SOX5: variants seen among roughly 807,000 people sequenced by gnomAD.
The protein encoded by SOX5 is SRY-box transcription factor 5.
In SOX5, 9 loss-of-function variants were observed where a neutral mutation model predicts 92.0. The observed-to-expected ratio is 0.10, with a 90% confidence interval of 0.06 to 0.17. SOX5 has a LOEUF of 0.17. SOX5 is among the 10% of genes least tolerant of loss of function. The pLI is 1.00. For synonymous variants in SOX5, 344 were observed against 336.3 expected, an observed-to-expected ratio of 1.02 and a Z score of -0.25; for missense variants, 642 against 944.5, an observed-to-expected ratio of 0.68 and a Z score of 4.20.
intron 3 of SOX5, among the ~76,000 whole-genome samples, chr12:23,762,177 A>G (rs2094578732): frequency 6.6e-6 from 1 of 152,154 alleles, no homozygotes; most frequent in South Asian, 2.1e-4. Flanking sequence ...AGGCCCCTTA[A>G]CAGTCCCCTT....
intron 3 of SOX5, among the ~76,000 whole-genome samples, chr12:24,241,343 C>G (rs936448103): frequency 6.6e-6 from 1 of 152,058 alleles, no homozygotes; most frequent in Non-Finnish European, 1.5e-5. Flanking sequence ...ATTACAAAAG[C>G]CTCTTTGTTT....
intron 1 of SOX5, among the ~76,000 whole-genome samples, chr12:24,454,649 T>C (rs1178496336): frequency 1.3e-5 from 2 of 152,246 alleles, no homozygotes; most frequent in Non-Finnish European, 2.9e-5. Flanking sequence ...CTCTGGTTTT[T>C]AAAAATTTCT....
In SOX5 at chr12:24,508,866, AAGG is replaced by A. The variant is rs903697284; in HGVS notation, c.-251+53460_-251+53462del. Among the ~76,000 whole-genome samples the A allele has an allele frequency of 1.6e-4, 24 of 152,316 alleles. 1 individual carries two copies. Among genetic ancestry groups the A allele is most frequent in the South Asian group, 1.2e-3 (6 of 4,824 alleles). ...AAATAAATAATAAAGCTCAGACTAA[AAGG>A]AGAACAGGGACCATGCAGCCACAGA... On this transcript the variant is annotated intron_variant, in intron 1 of 4. Transcript: ENST00000446891.
intron 1 of SOX5, among the ~76,000 whole-genome samples, chr12:23,916,438 T>C (rs764111647): frequency 6.6e-6 from 1 of 152,214 alleles, no homozygotes; most frequent in Non-Finnish European, 1.5e-5. Context: ...AATGGAGTGA[T>C]GTCGAGATAG....
intron 2 of SOX5, among the ~76,000 whole-genome samples, chr12:24,296,677 C>A (rs763939227): frequency 2.6e-5 from 4 of 152,130 alleles, no homozygotes; most frequent in South Asian, 2.1e-4. Flanking sequence ...GCAATCATGT[C>A]AAATGTCAGG....
chr12:24,208,378 GTCT>G (rs1251230549), intron 4 of SOX5, among the ~76,000 whole-genome samples: 9 of 152,114 alleles, frequency 5.9e-5, no homozygotes, highest in Admixed American at 5.2e-4. Context: ...AAGATTCAAA[GTCT>G]TCTTATTATT....
intron 4 of SOX5, among the ~76,000 whole-genome samples, chr12:24,048,729 C>T (rs1289796502): frequency 6.6e-6 from 1 of 152,190 alleles, no homozygotes; most frequent in Non-Finnish European, 1.5e-5. Flanking sequence ...AGCTTGAAAA[C>T]ATTACGCTAA....
rs115986408 is a variant in SOX5, at chr12:24,061,770, T to C, written c.-2+151573A>G. On this transcript the variant is annotated intron_variant, in intron 4 of 4. Transcript: ENST00000446891. ...AAAAAAAAAAAAAAAAAAACCTTTC[T>C]CTTTTCTGTTTCCTCCTTTCAACAG... is the stretch of plus-strand genomic sequence containing the variant. Among the ~76,000 whole-genome samples, 1,247 of 151,518 alleles carry C rather than the reference T, an allele frequency of 8.2e-3. 21 individuals are homozygous for C. The highest frequency in any genetic ancestry group is 0.029 in the African/African-American group (1,199 of 41,270).
intron 4 of SOX5, among the ~76,000 whole-genome samples, chr12:24,197,608 G>T (rs567091076): frequency 1.4e-4 from 22 of 152,236 alleles, no homozygotes; most frequent in Non-Finnish European, 2.8e-4. Flanking sequence ...GAAGGGGACA[G>T]CCCTGACTGT....
At chr12:23,935,524 G>C (rs1384272858) in intron 1 of SOX5, among the ~76,000 whole-genome samples, 1 of 151,144 alleles carries the variant, frequency 6.6e-6, no homozygotes, top group Non-Finnish European at 1.5e-5. Context: ...ATGGATATTT[G>C]AGAAATACTA....
At chr12:23,682,731 G>T (rs2086823426) in intron 6 of SOX5, among the ~76,000 whole-genome samples, 1 of 151,304 alleles carries the variant, frequency 6.6e-6, no homozygotes, top group Non-Finnish European at 1.5e-5. Context: ...ACAAAGAAAA[G>T]AATTCAAAAT....
At chr12:23,729,379 A>C (rs555159024) in intron 6 of SOX5, among the ~76,000 whole-genome samples, 1 of 152,132 alleles carries the variant, frequency 6.6e-6, no homozygotes, top group African/African-American at 2.4e-5. Context: ...AAACTATTCA[A>C]CATAATTAAA....
chr12:24,310,851 T>C (rs1279601956), intron 2 of SOX5, among the ~76,000 whole-genome samples: 5 of 151,070 alleles, frequency 3.3e-5, no homozygotes, highest in African/African-American at 1.2e-4. Context: ...TTTCAATTTT[T>C]TTGTTTCTTT....
intron 4 of SOX5, among the ~76,000 whole-genome samples, chr12:24,144,934 AACT>A (rs766613756): frequency 6.6e-6 from 1 of 152,132 alleles, no homozygotes; most frequent in African/African-American, 2.4e-5. Context: ...TCTACAAAAA[AACT>A]ACAAAAAATT....
At chr12:23,805,601 C>T (rs2095755567) in intron 3 of SOX5, among the ~76,000 whole-genome samples, 1 of 152,010 alleles carries the variant, frequency 6.6e-6, no homozygotes, top group African/African-American at 2.4e-5. Context: ...TTTATACAAC[C>T]CAAACACAAT....
At chr12:23,684,196 AT>A (rs926001569) in intron 6 of SOX5, among the ~76,000 whole-genome samples, 2 of 151,950 alleles carry the variant, frequency 1.3e-5, no homozygotes, top group East Asian at 1.9e-4. Context: ...TGATTTGCAT[AT>A]TTTTTTGTAC....
At chr12:23,541,194 T>C (rs1026593993) in intron 13 of SOX5, among the ~76,000 whole-genome samples, 1 of 152,196 alleles carries the variant, frequency 6.6e-6, no homozygotes, top group East Asian at 1.9e-4. Flanking sequence ...CTCTTTTCCA[T>C]AGATACTTTT....
intron 7 of SOX5, among the ~76,000 whole-genome samples, chr12:23,643,479 G>C (rs1016749274): frequency 6.6e-5 from 10 of 152,182 alleles, no homozygotes; most frequent in Non-Finnish European, 1.2e-4. Context: ...CCTCATAGGA[G>C]ACATATACTT....
chr12:23,758,053 CT>C (rs549591963), intron 3 of SOX5, among the ~76,000 whole-genome samples: 1 of 124,626 alleles, frequency 8.0e-6, no homozygotes, highest in East Asian at 2.4e-4. Flanking sequence ...TTCTTTAAGA[CT>C]AAGTTATTTT....
Sources: gnomAD v4.1 joint callset for allele counts (sites outside exome capture counted in the v4.1 genomes callset) on GRCh38, gnomAD v4.1.1 for gene constraint, MANE v1.5 for transcripts, NCBI Gene and HGNC (gene_info 2026-07-23, HGNC 2026-07-21) for gene names.